LRRC56: variants seen among roughly 807,000 people sequenced by gnomAD.
LRRC56 encodes leucine rich repeat containing 56, also known as leucine-rich repeat-containing protein 56.
LRRC56 carries 41 observed loss-of-function variants against 47.8 expected under a neutral mutation model. That is an observed-to-expected ratio of 0.86 (90% CI 0.67 to 1.11). The LOEUF (loss-of-function observed/expected upper bound fraction) is 1.11. LRRC56 is among the 50% of genes most tolerant of loss of function. The pLI, the probability that LRRC56 is intolerant of heterozygous loss-of-function variation, is 0.00. For missense variants in LRRC56, 759 were observed against 704.2 expected (o/e 1.08, Z -0.88); for synonymous variants, 387 against 311.2 (o/e 1.24, Z -2.56).
chr11:534,779 C>T (rs949631923), upstream of LRRC56, among the ~76,000 whole-genome samples: 5 of 152,344 alleles, frequency 3.3e-5, no homozygotes, highest in African/African-American at 9.6e-5. Flanking sequence ...TAGTGCCAGC[C>T]TGCAGGCCCC....
In LRRC56 at chr11:554,447, CA is replaced by C; in HGVS notation, c.*172del. On this transcript the variant is annotated 3_prime_UTR_variant, in exon 14 of 14. Transcript: ENST00000270115. ...GGGGGACTGGGACCAGCCAGGGAGG[CA>C]GCAGAGGCTGGAACCCAGTTTAGGC... 1.8e-6 allele frequency: 1 copy of C among 553,586 alleles called. No homozygotes were observed. The highest frequency in any genetic ancestry group is 2.9e-6 in the Non-Finnish European group (1 of 350,838). 34.3% of individuals were successfully genotyped at this position (553,586 alleles called of 1,614,324 possible). A position where few individuals can be genotyped will look rare whatever the true frequency, so the allele number is the denominator to read the frequency against.
chr11:518,749 C>T, the LRRC56 span, among the ~76,000 whole-genome samples: 53 of 152,298 alleles, frequency 3.5e-4, no homozygotes, highest in African/African-American at 1.1e-3. Context: ...GCCCAGGAGC[C>T]GGCCCCGGGC....
the LRRC56 span, among the ~76,000 whole-genome samples, chr11:517,976 G>A: frequency 2.6e-5 from 4 of 152,138 alleles, no homozygotes; most frequent in East Asian, 1.9e-4. Context: ...CAGCATGCTC[G>A]TTAAGAGTCA....
upstream of LRRC56, chr11:532,632 T>C: frequency 6.2e-7 from 1 of 1,610,532 alleles, no homozygotes; most frequent in Non-Finnish European, 8.5e-7. Flanking sequence ...CCCCCTCACC[T>C]GCGTCAGGAG....
the LRRC56 span, among the ~76,000 whole-genome samples, chr11:517,499 C>G: frequency 6.6e-6 from 1 of 150,704 alleles, no homozygotes; most frequent in Non-Finnish European, 1.5e-5. Flanking sequence ...ACCGCCTTAT[C>G]TGGAAGGTGG....
intron 6 of LRRC56, among the ~76,000 whole-genome samples, chr11:548,753 C>T (rs1589814252): frequency 2.6e-5 from 4 of 152,318 alleles, no homozygotes; most frequent in East Asian, 3.9e-4. Flanking sequence ...CCACCGCGCC[C>T]GGCCTCAAGT....
chr11:533,301 T>A (rs1418944358), upstream of LRRC56: 27 of 1,600,340 alleles, frequency 1.7e-5, no homozygotes, highest in Non-Finnish European at 2.3e-5. Flanking sequence ...CTGGGTCACA[T>A]GGGTCCCGGG....
At chr11:540,929 T>A in intron 4 of LRRC56, 68 bp downstream of exon 4, 1 of 1,301,614 alleles carries the variant, frequency 7.7e-7, no homozygotes, top group Non-Finnish European at 1.0e-6. Context: ...GGCTCCTTCC[T>A]GCTGATGGTC....
intron 13 of LRRC56, among the ~76,000 whole-genome samples, chr11:552,997 G>A (rs74758012): frequency 0.016 from 2,442 of 152,304 alleles, 65 homozygotes; most frequent in African/African-American, 0.055. Flanking sequence ...GTCCAGAGGA[G>A]TCGGGACAGA....
the LRRC56 span, among the ~76,000 whole-genome samples, chr11:523,541 G>T: frequency 6.6e-6 from 1 of 151,316 alleles, no homozygotes; most frequent in Non-Finnish European, 1.5e-5. Flanking sequence ...TGATGCAGGA[G>T]AATCGCTTGA....
chr11:524,282 G>A, the LRRC56 span, among the ~76,000 whole-genome samples: 415 of 152,244 alleles, frequency 2.7e-3, 2 homozygotes, highest in African/African-American at 9.2e-3. Flanking sequence ...AGAAACGGAC[G>A]CACACAAATA....
chr11:553,960 T>C lies in LRRC56; in HGVS notation c.1316-3T>C, dbSNP rs2134079998. The stretch of plus-strand genomic sequence containing the variant: ...ACGTCCCATCACTCTGCTTGCTTTC[T>C]AGAGCCCTCCGGGACCTCGAGCCAG... On this transcript the variant is annotated splice_region_variant and splice_polypyrimidine_tract_variant and intron_variant, in intron 13 of 13. Coordinates refer to ENST00000270115, the MANE Select transcript of LRRC56 (RefSeq NM_198075.4). 6.2e-7 allele frequency: 1 copy of C among 1,610,066 alleles called. No homozygotes were observed. The highest frequency in any genetic ancestry group is 8.5e-7 in the Non-Finnish European group (1 of 1,178,716).
At chr11:514,663 G>A in the LRRC56 span, among the ~76,000 whole-genome samples, 1 of 151,886 alleles carries the variant, frequency 6.6e-6, no homozygotes, top group Non-Finnish European at 1.5e-5. Context: ...AGTGAGGAGT[G>A]GTCAATAAAG....
At chr11:534,612 A>G (rs1851341585), upstream of LRRC56, 1 of 529,592 alleles carries the variant, frequency 1.9e-6, no homozygotes, top group Admixed American at 3.2e-5. Context: ...CAGCCCTCAA[A>G]GGCAGGGCTG....
chr11:547,099 G>A (rs533294573), intron 6 of LRRC56, among the ~76,000 whole-genome samples: 2 of 151,912 alleles, frequency 1.3e-5, no homozygotes, highest in East Asian at 3.9e-4. Flanking sequence ...GGGCTTGGCG[G>A]TGCATGCCTG....
At chr11:551,505 G>A (rs1852387316) in intron 9 of LRRC56, 146 bp from the exon 10 acceptor site, 10 of 921,916 alleles carry the variant, frequency 1.1e-5, no homozygotes, top group African/African-American at 1.7e-5. Flanking sequence ...AAGGTCTGAA[G>A]ATGAGGGCCT....
chr11:511,333 A>AG, the LRRC56 span, among the ~76,000 whole-genome samples: 1 of 151,844 alleles, frequency 6.6e-6, no homozygotes, highest in Non-Finnish European at 1.5e-5. Flanking sequence ...AAAAAAAAAA[A>AG]AAAAGAAATG....
the LRRC56 span, chr11:532,474 C>A: frequency 3.2e-6 from 3 of 949,866 alleles, no homozygotes; most frequent in Non-Finnish European, 4.7e-6. Context: ...CTCCTCCTTC[C>A]GTCTGCACCT....
At chr11:535,740 C>T (rs1425234695), upstream of LRRC56, among the ~76,000 whole-genome samples, 6 of 152,206 alleles carry the variant, frequency 3.9e-5, no homozygotes, top group East Asian at 7.7e-4. Flanking sequence ...CCAGTAGGGC[C>T]GCGGCCTCTC....
Sources: allele counts gnomAD v4.1 joint callset (sites outside exome capture counted in the v4.1 genomes callset), GRCh38; gene constraint gnomAD v4.1.1; transcripts MANE v1.5; gene names NCBI Gene and HGNC (gene_info 2026-07-23, HGNC 2026-07-21).